ADAMTSL1: variants seen among roughly 807,000 people sequenced by gnomAD.
The protein encoded by ADAMTSL1 is ADAMTS like 1.
A neutral mutation model predicts 201.8 loss-of-function variants in ADAMTSL1; 126 were observed. The observed-to-expected ratio is 0.62, with a 90% confidence interval of 0.54 to 0.72. The LOEUF (loss-of-function observed/expected upper bound fraction) is 0.72. ADAMTSL1 is among the 30% of genes least tolerant of loss of function. ADAMTSL1 has a pLI of 0.00. For synonymous variants in ADAMTSL1, 1,121 were observed against 903.4 expected (o/e 1.24, Z -4.32); for missense variants, 2,679 against 2,277.8 (o/e 1.18, Z -3.59).
At chr9:18,129,486 C>G (rs1402859130) in intron 1 of ADAMTSL1, among the ~76,000 whole-genome samples, 1 of 152,152 alleles carries the variant, frequency 6.6e-6, no homozygotes, top group Admixed American at 6.5e-5. Context: ...GCTTACCTCA[C>G]TTTAGTTCTT....
At chr9:17,916,501 G>T (rs978380824) in intron 1 of ADAMTSL1, among the ~76,000 whole-genome samples, 6 of 152,064 alleles carry the variant, frequency 3.9e-5, no homozygotes, top group Admixed American at 6.6e-5. Context: ...TATGGTACAG[G>T]GTAGGGATCA....
intron 2 of ADAMTSL1, among the ~76,000 whole-genome samples, chr9:18,315,008 G>A (rs1834319520): frequency 6.7e-6 from 1 of 149,040 alleles, no homozygotes. Flanking sequence ...GTGTTAGCCA[G>A]GATGGTCTCG....
chr9:18,537,891 A>G (rs1015012663), intron 3 of ADAMTSL1, among the ~76,000 whole-genome samples: 6 of 148,876 alleles, frequency 4.0e-5, no homozygotes, highest in South Asian at 4.2e-4. Context: ...AAAAAAAAAA[A>G]AAGAAGAAAG....
chr9:18,784,411 T>C (rs1821581600), intron 19 of ADAMTSL1, among the ~76,000 whole-genome samples: 1 of 152,172 alleles, frequency 6.6e-6, no homozygotes, highest in Non-Finnish European at 1.5e-5. Context: ...GAATGAATAG[T>C]TGGATGCCCA....
chr9:18,602,996 T>C (rs1233880480), intron 4 of ADAMTSL1, among the ~76,000 whole-genome samples: 1 of 152,192 alleles, frequency 6.6e-6, no homozygotes, highest in Admixed American at 6.5e-5. Context: ...GAGGTAAATA[T>C]TTTTACGTAA....
At position 18,707,153 on chromosome 9, in the gene ADAMTSL1, C is replaced by T. The variant is rs576146193; in HGVS notation, c.1876+105C>T. On this transcript the variant is annotated intron_variant, in intron 14 of 28. Transcript: ENST00000380548. ...CTGCCTCAAATCCAAGAATGATAAGCAGGAGGAGGAGGGGAGGCAGCCATT... is the reference window on the plus strand; with the variant it reads ...CTGCCTCAAATCCAAGAATGATAAGTAGGAGGAGGAGGGGAGGCAGCCATT... 6 of 1,387,458 alleles carry T rather than the reference C, an allele frequency of 4.3e-6. No homozygotes were observed. In the East Asian group the frequency reaches 1.2e-4, roughly 27 times the overall value. 85.9% of individuals were successfully genotyped at this position (1,387,458 alleles called of 1,614,324 possible).
intron 7 of ADAMTSL1, among the ~76,000 whole-genome samples, chr9:18,655,543 C>G (rs1238976510): frequency 6.6e-6 from 1 of 152,084 alleles, no homozygotes; most frequent in African/African-American, 2.4e-5. Flanking sequence ...ATATCCTCCT[C>G]ACATTGGCTG....
chr9:18,642,621 T>C (rs1050780990), intron 7 of ADAMTSL1, among the ~76,000 whole-genome samples: 9 of 151,952 alleles, frequency 5.9e-5, no homozygotes, highest in African/African-American at 2.2e-4. Flanking sequence ...TATTCTACTC[T>C]GTGTTTCTAT....
At chr9:18,429,416 G>T (rs1038107052) in intron 2 of ADAMTSL1, among the ~76,000 whole-genome samples, 6 of 152,100 alleles carry the variant, frequency 3.9e-5, no homozygotes, top group Non-Finnish European at 8.8e-5. Flanking sequence ...TTTGGGTATT[G>T]GGATCTGGAT....
intron 1 of ADAMTSL1, among the ~76,000 whole-genome samples, chr9:18,092,261 A>G (rs1385358576): frequency 6.6e-6 from 1 of 152,180 alleles, no homozygotes; most frequent in African/African-American, 2.4e-5. Flanking sequence ...GACAAAAGCT[A>G]TAAGGTACCC....
At chr9:18,415,161 G>A (rs1008756825) in intron 2 of ADAMTSL1, among the ~76,000 whole-genome samples, 1 of 152,106 alleles carries the variant, frequency 6.6e-6, no homozygotes, top group African/African-American at 2.4e-5. Flanking sequence ...CACAATGTCT[G>A]GCAGCCAATC....
At chr9:18,574,296 G>T (rs1179657681) in intron 4 of ADAMTSL1, 30 bp downstream of exon 4, 6 of 1,572,448 alleles carry the variant, frequency 3.8e-6, no homozygotes. Context: ...CATTCAACTT[G>T]TCCAGAGGGT....
intron 2 of ADAMTSL1, among the ~76,000 whole-genome samples, chr9:18,422,769 G>A (rs1350853856): frequency 6.6e-6 from 1 of 152,180 alleles, no homozygotes; most frequent in Non-Finnish European, 1.5e-5. Context: ...TATGGCCTCT[G>A]TCACAGCCTT....
chr9:18,233,545 C>A (rs1046225135), intron 2 of ADAMTSL1, among the ~76,000 whole-genome samples: 1 of 152,008 alleles, frequency 6.6e-6, no homozygotes, highest in South Asian at 2.1e-4. Flanking sequence ...GCACTGAGGT[C>A]GTATCAGTAA....
At chr9:17,993,337 C>G (rs1819240721) in intron 1 of ADAMTSL1, among the ~76,000 whole-genome samples, 2 of 152,106 alleles carry the variant, frequency 1.3e-5, no homozygotes, top group South Asian at 2.1e-4. Flanking sequence ...TTACTTGAAA[C>G]ATTTTTCTCT....
At chr9:18,427,991 C>A (rs778971018) in intron 2 of ADAMTSL1, among the ~76,000 whole-genome samples, 1 of 152,174 alleles carries the variant, frequency 6.6e-6, no homozygotes, top group East Asian at 1.9e-4. Flanking sequence ...TCTGCAGTGC[C>A]GGAGCTGTCA....
At chr9:18,279,117 C>G (rs1832691670) in intron 2 of ADAMTSL1, among the ~76,000 whole-genome samples, 1 of 152,152 alleles carries the variant, frequency 6.6e-6, no homozygotes, top group South Asian at 2.1e-4. Flanking sequence ...CTGTAGCTCA[C>G]TGAGCTTCCT....
At chr9:18,357,667 C>T (rs1472172812) in intron 2 of ADAMTSL1, among the ~76,000 whole-genome samples, 1 of 151,700 alleles carries the variant, frequency 6.6e-6, no homozygotes, top group Non-Finnish European at 1.5e-5. Flanking sequence ...TGTATTTGTT[C>T]TTAAGTATAG....
At chr9:18,568,110 A>G (rs1168076416) in intron 3 of ADAMTSL1, among the ~76,000 whole-genome samples, 2 of 152,220 alleles carry the variant, frequency 1.3e-5, no homozygotes, top group Non-Finnish European at 2.9e-5. Flanking sequence ...AAACCCCAGA[A>G]AGCAAAACCA....
Sources: allele counts gnomAD v4.1 joint callset (sites outside exome capture counted in the v4.1 genomes callset), GRCh38; gene constraint gnomAD v4.1.1; transcripts MANE v1.5; gene names NCBI Gene and HGNC (gene_info 2026-07-23, HGNC 2026-07-21).